WNT3A: variants seen among roughly 807,000 people sequenced by gnomAD.
The protein encoded by WNT3A is protein Wnt-3a.
In WNT3A, 17 loss-of-function variants were observed where a neutral mutation model predicts 37.0. The ratio of observed to expected loss-of-function variants is 0.46; its 90% CI spans 0.31 to 0.69. The LOEUF is 0.69. Among genes scored for constraint, WNT3A ranks in the 30% least tolerant of loss-of-function variants. The probability of loss-of-function intolerance (pLI) is 0.05; values close to 1 mark genes in which losing one functional copy is unlikely to be tolerated. For missense variants in WNT3A, 411 were observed against 510.2 expected, an observed-to-expected ratio of 0.81 and a Z score of 1.87; for synonymous variants, 187 against 211.0, an observed-to-expected ratio of 0.89 and a Z score of 0.99.
At chr1:228,044,982 G>A (rs941841797) in intron 2 of WNT3A, among the ~76,000 whole-genome samples, 1 of 152,176 alleles carries the variant, frequency 6.6e-6, no homozygotes, top group African/African-American at 2.4e-5. Flanking sequence ...AGCCTGGCAG[G>A]GAGCTCCACC....
chr1:228,047,529 C>T (rs547331023), intron 2 of WNT3A, among the ~76,000 whole-genome samples: 175 of 152,152 alleles, frequency 1.2e-3, no homozygotes, highest in Middle Eastern at 3.4e-3. Flanking sequence ...AAGGGCATCA[C>T]GAGCCCCAGG....
chr1:228,012,637 G>T (rs937794145), intron 1 of WNT3A, among the ~76,000 whole-genome samples: 1 of 152,140 alleles, frequency 6.6e-6, no homozygotes, highest in Non-Finnish European at 1.5e-5. Context: ...TGAAGGGCTG[G>T]TTGCTGTTTC....
chr1:228,055,541 A>G (rs1325980904), intron 3 of WNT3A, among the ~76,000 whole-genome samples: 1 of 152,086 alleles, frequency 6.6e-6, no homozygotes, highest in Non-Finnish European at 1.5e-5. Flanking sequence ...AGATAGATGG[A>G]TGAATAGATA....
At position 228,039,848 on chromosome 1, in the gene WNT3A, T is replaced by A. The variant is rs1337236472; in HGVS notation, c.314-10808T>A. On this transcript the variant is annotated intron_variant, in intron 2 of 3. Coordinates refer to ENST00000284523, the MANE Select transcript of WNT3A (RefSeq NM_033131.4). The surrounding 1 kb of genome is among the most constrained non-coding windows in gnomAD (Gnocchi z 4.1). ...CACTCTGCCTCCCCGAGGAGCTGGA[T>A]TTCATTGTCCTATGGTCGCATTTAA... Among the ~76,000 whole-genome samples, 3 of 152,244 alleles carry A rather than the reference T, an allele frequency of 2.0e-5. No homozygotes were observed. The highest frequency in any genetic ancestry group is 3.9e-4 in the East Asian group (2 of 5,164).
chr1:228,030,519 AAG>A (rs2030975800), intron 2 of WNT3A, among the ~76,000 whole-genome samples: 2 of 152,246 alleles, frequency 1.3e-5, no homozygotes, highest in African/African-American at 4.8e-5. Context: ...CCCAGTGAGA[AAG>A]AGAGGTCTAT....
intron 3 of WNT3A, among the ~76,000 whole-genome samples, chr1:228,057,551 T>A (rs1215741388): frequency 6.6e-6 from 1 of 152,102 alleles, no homozygotes; most frequent in Non-Finnish European, 1.5e-5. Context: ...TAAACTAGAC[T>A]GGGCAGGGCG....
chr1:228,014,282 G>A (rs1005300002), intron 1 of WNT3A, among the ~76,000 whole-genome samples: 1 of 152,198 alleles, frequency 6.6e-6, no homozygotes, highest in African/African-American at 2.4e-5. Context: ...GGCCCAGGAG[G>A]GGAAAGAGAG....
chr1:228,059,832 G>T lies in WNT3A; in HGVS notation c.*367G>T. Reference sequence around the variant, plus strand: ...TCCTGCGGGGGCGAGGCCCCTCCCAGTAAGGGCGTGGCTCTGGGTGGGCGG... The same window carrying T: ...TCCTGCGGGGGCGAGGCCCCTCCCATTAAGGGCGTGGCTCTGGGTGGGCGG... On this transcript the variant is annotated 3_prime_UTR_variant, in exon 4 of 4. Transcript: ENST00000284523. 9.3e-7 allele frequency: 1 copy of T among 1,077,236 alleles called. No individual in the cohort carries two copies. Among genetic ancestry groups the T allele is most frequent in the Non-Finnish European group, 1.1e-6 (1 of 888,062 alleles). The allele number at this position is 1,077,236 out of a possible 1,614,324, so 66.7% of individuals were successfully genotyped here. A position where few individuals can be genotyped will look rare whatever the true frequency, so the allele number is the denominator to read the frequency against.
At position 228,060,071 on chromosome 1, in the gene WNT3A, C is replaced by G; in HGVS notation, c.*606C>G. Reference sequence around the variant, plus strand: ...CACGGGGGCTGTGGCTCTGGGTGGGCGTGGCCTGCATAGGCTCCTTCCTGT... The same window carrying G: ...CACGGGGGCTGTGGCTCTGGGTGGGGGTGGCCTGCATAGGCTCCTTCCTGT... On this transcript the variant is annotated 3_prime_UTR_variant, in exon 4 of 4. Coordinates refer to ENST00000284523, the MANE Select transcript of WNT3A (RefSeq NM_033131.4). 8.3e-7 allele frequency: 1 copy of G among 1,211,420 alleles called. No homozygotes were observed. Among genetic ancestry groups the G allele is most frequent in the Non-Finnish European group, 1.1e-6 (1 of 950,084 alleles). The allele number at this position is 1,211,420 out of a possible 1,614,324, so 75.0% of individuals were successfully genotyped here.
At chr1:228,032,713 G>C (rs1466935556) in intron 2 of WNT3A, among the ~76,000 whole-genome samples, 1 of 152,206 alleles carries the variant, frequency 6.6e-6, no homozygotes, top group Non-Finnish European at 1.5e-5. Context: ...TTGGGTCACA[G>C]AGGAACTCCA....
At chr1:228,055,175 AAAAAATATATATATAT>A (rs1234472182) in intron 3 of WNT3A, among the ~76,000 whole-genome samples, 31 of 59,186 alleles carry the variant, frequency 5.2e-4, no homozygotes, top group African/African-American at 1.4e-3. Context: ...AAAAAAAAAA[AAAAAATATATATATAT>A]ATATATATAT....
chr1:228,013,858 C>T (rs553613912), intron 1 of WNT3A, among the ~76,000 whole-genome samples: 2 of 152,342 alleles, frequency 1.3e-5, no homozygotes, highest in Admixed American at 6.5e-5. Flanking sequence ...GCCTTATCAC[C>T]GCCCATGGAG....
intron 3 of WNT3A, among the ~76,000 whole-genome samples, chr1:228,054,676 G>A (rs2031632164): frequency 3.4e-5 from 4 of 117,502 alleles, no homozygotes; most frequent in African/African-American, 9.6e-5. Flanking sequence ...CACAATCAAA[G>A]ATAATCTATC....
At chr1:228,012,104 T>C (rs1412575271) in intron 1 of WNT3A, among the ~76,000 whole-genome samples, 2 of 152,188 alleles carry the variant, frequency 1.3e-5, no homozygotes, top group Non-Finnish European at 2.9e-5. Context: ...GAGAGCAGGA[T>C]GAGTAGATAC....
At chr1:228,010,098 C>T (rs1006066561) in intron 1 of WNT3A, among the ~76,000 whole-genome samples, 1 of 152,230 alleles carries the variant, frequency 6.6e-6, no homozygotes, top group East Asian at 1.9e-4. Context: ...CCTCCCAGCA[C>T]GCCCCTTCTA....
intron 2 of WNT3A, among the ~76,000 whole-genome samples, chr1:228,029,746 C>G (rs879529366): frequency 1.3e-5 from 2 of 151,316 alleles, no homozygotes; most frequent in South Asian, 2.1e-4. Context: ...GCCCACCCCC[C>G]CCCCAATTCC....
chr1:228,013,945 G>A (rs894473313), intron 1 of WNT3A, among the ~76,000 whole-genome samples: 4 of 152,218 alleles, frequency 2.6e-5, no homozygotes, highest in African/African-American at 9.6e-5. Flanking sequence ...AAGCCCACCT[G>A]CCCAAGCAGG....
chr1:228,012,706 C>A (rs912876969), intron 1 of WNT3A, among the ~76,000 whole-genome samples: 8 of 152,142 alleles, frequency 5.3e-5, no homozygotes, highest in Admixed American at 1.3e-4. Context: ...AAGGATTAGA[C>A]TGTGGCTCAA....
Position 228,007,314 on chromosome 1 carries a change from C to A in WNT3A, c.71+115C>A, listed in dbSNP as rs995442361. 4.8e-6 allele frequency: 5 copies of A among 1,032,368 alleles called. No homozygotes were observed. The highest frequency in any genetic ancestry group is 1.9e-5 in the South Asian group (1 of 51,802). 64.0% of individuals were successfully genotyped at this position (1,032,368 alleles called of 1,614,324 possible). A position where few individuals can be genotyped will look rare whatever the true frequency, so the allele number is the denominator to read the frequency against. On this transcript the variant is annotated intron_variant, in intron 1 of 3. Coordinates refer to ENST00000284523, the MANE Select transcript of WNT3A (RefSeq NM_033131.4). The surrounding 1 kb of genome is among the most constrained non-coding windows in gnomAD (Gnocchi z 6.0). Reference sequence around the variant, plus strand: ...AGCCCGCGCCCTTCTGCTCCAGCCCCGCGTGCGGGCCGCGGGCGGTTGGTT... The same window carrying A: ...AGCCCGCGCCCTTCTGCTCCAGCCCAGCGTGCGGGCCGCGGGCGGTTGGTT...
Sources: gnomAD v4.1 joint callset for allele counts (sites outside exome capture counted in the v4.1 genomes callset) on GRCh38, gnomAD v4.1.1 for gene constraint, Gnocchi (gnomAD v3.1) non-coding constraint, MANE v1.5 for transcripts, NCBI Gene and HGNC (gene_info 2026-07-23, HGNC 2026-07-21) for gene names.